The following CD70 variants were observed in gnomAD, a reference collection of about 807,000 sequenced individuals.
CD70 encodes CD70 antigen.
A neutral mutation model predicts 9.0 loss-of-function variants in CD70; 6 were observed. The ratio of observed to expected loss-of-function variants is 0.67; its 90% CI spans 0.37 to 1.32. The LOEUF is 1.32. Among genes scored for constraint, CD70 ranks in the 40% most tolerant of loss-of-function variants. CD70 has a pLI of 0.02. For synonymous variants in CD70, 108 were observed against 112.3 expected (o/e 0.96, Z 0.24); for missense variants, 235 against 258.7 (o/e 0.91, Z 0.63).
At chr19:6,589,706 TTC>T (rs1037668992) in intron 2 of CD70, among the ~76,000 whole-genome samples, 1 of 151,690 alleles carries the variant, frequency 6.6e-6, no homozygotes, top group Non-Finnish European at 1.5e-5. Context: ...CTCGTTTTTA[TTC>T]TCTCTTCCTC....
In CD70 at chr19:6,586,196, C is replaced by A; in HGVS notation, c.406G>T (p.Ala136Ser). Residue 136 changes from alanine (A) to serine (S), a missense_variant, in exon 3 of 3, where the codon GCC becomes TCC. By Grantham distance (99) the Ala-to-Ser change is moderately conservative. Transcript: ENST00000245903. The part of the protein sequence containing the change: ...TTLAVGICSP[A>S]SRSISLLRLS... ...CGCAGCAGGCTGATGCTACGGGAGG[C>A]GGGAGAGCAGATTCCCACGGCCAGG... The A allele has an allele frequency of 6.2e-7, 1 of 1,614,044 alleles. No homozygotes were observed. Among genetic ancestry groups the A allele is most frequent in the Non-Finnish European group, 8.5e-7 (1 of 1,179,996 alleles).
chr19:6,583,645 A>G (rs1599448844), downstream of CD70, among the ~76,000 whole-genome samples: 1 of 144,068 alleles, frequency 6.9e-6, no homozygotes, highest in South Asian at 2.2e-4. Flanking sequence ...TGCAATCTCC[A>G]CCTCCTGAGT....
At chr19:6,589,877 TG>T (rs1251152629) in intron 2 of CD70, among the ~76,000 whole-genome samples, 2 of 150,020 alleles carry the variant, frequency 1.3e-5, no homozygotes, top group East Asian at 3.9e-4. Context: ...TCCCTCTCTC[TG>T]TTCTTTTTTC....
downstream of CD70, among the ~76,000 whole-genome samples, chr19:6,583,837 G>A (rs1915966185): frequency 6.8e-6 from 1 of 147,166 alleles, no homozygotes; most frequent in Admixed American, 6.8e-5. Flanking sequence ...TTGTCACCCA[G>A]GCTGGAGTGC....
At chr19:6,588,144 G>A (rs1916069557) in intron 2 of CD70, among the ~76,000 whole-genome samples, 1 of 152,176 alleles carries the variant, frequency 6.6e-6, no homozygotes, top group African/African-American at 2.4e-5. Context: ...GAACTGAACG[G>A]GGTCAAACAG....
downstream of CD70, among the ~76,000 whole-genome samples, chr19:6,582,982 G>T (rs1231516484): frequency 6.6e-6 from 1 of 152,160 alleles, no homozygotes; most frequent in African/African-American, 2.4e-5. Flanking sequence ...TCGAGTGTCT[G>T]TGGCTTTTCC....
chr19:6,589,314 A>T (rs1447034923), intron 2 of CD70, among the ~76,000 whole-genome samples: 2,025 of 84,302 alleles, frequency 0.024, no homozygotes, highest in South Asian at 0.036. Context: ...TCTCTCTCTC[A>T]CCTCCCTCCC....
In CD70 at chr19:6,586,393, T is replaced by A; in HGVS notation, c.209A>T (p.Asp70Val). Residue 70 changes from aspartate (D) to valine (V), a missense_variant, in exon 3 of 3, where the codon GAC becomes GTC. Coordinates refer to ENST00000245903, the MANE Select transcript of CD70 (RefSeq NM_001252.5). ...LQLNHTGPQQ[D>V]PRLYWQGGPA... Reference sequence around the variant, plus strand: ...GCCCCCCTGCCAGTATAGCCTGGGGTCCTGCTGAGGTCCTGGGGGCACAGG... The same window carrying A: ...GCCCCCCTGCCAGTATAGCCTGGGGACCTGCTGAGGTCCTGGGGGCACAGG... 1 of 1,609,142 alleles carries A rather than the reference T, an allele frequency of 6.2e-7. No homozygotes were observed. The highest frequency in any genetic ancestry group is 8.5e-7 in the Non-Finnish European group (1 of 1,177,904).
At chr19:6,581,698 G>A (rs1200071984), downstream of CD70, among the ~76,000 whole-genome samples, 1 of 152,036 alleles carries the variant, frequency 6.6e-6, no homozygotes, top group East Asian at 1.9e-4. Flanking sequence ...AATCCTATGT[G>A]GTAGATTAAT....
intron 2 of CD70, among the ~76,000 whole-genome samples, chr19:6,588,866 G>T (rs1177567733): frequency 6.6e-6 from 1 of 152,206 alleles, no homozygotes; most frequent in Non-Finnish European, 1.5e-5. Flanking sequence ...ACCAGGCAGG[G>T]ATTTCTGTCT....
chr19:6,583,553 C>CTTT (rs72193958), downstream of CD70: 16 of 402,576 alleles, frequency 4.0e-5, no homozygotes, highest in Non-Finnish European at 5.7e-5. Flanking sequence ...TAATTGTAGT[C>CTTT]TTTTTTTTTT....
chr19:6,586,922 A>AAAC (rs1555765965), intron 2 of CD70, among the ~76,000 whole-genome samples: 29 of 140,352 alleles, frequency 2.1e-4, no homozygotes, highest in Non-Finnish European at 2.5e-4. Context: ...AAAAAAAAAA[A>AAAC]CAGAAACAGA....
chr19:6,589,964 C>T (rs1244602709), intron 2 of CD70, 139 bp downstream of exon 2: 4 of 661,054 alleles, frequency 6.1e-6, no homozygotes, highest in African/African-American at 1.8e-5. Context: ...CGTTTCCCTC[C>T]CTATCTCTCC....
Position 6,590,921 on chromosome 19 carries a change from C to A in CD70, c.82G>T (p.Ala28Ser), listed in dbSNP as rs750812571. The A allele has an allele frequency of 6.2e-7, 1 of 1,614,108 alleles. No homozygotes were observed. The highest frequency in any genetic ancestry group is 1.1e-5 in the South Asian group (1 of 91,078). Residue 28 changes from alanine to serine, a missense_variant, in exon 1 of 3, where the codon GCG becomes TCG. Physicochemically the swap from Ala to Ser is moderately conservative, Grantham distance 99 (BLOSUM62 1). Coordinates refer to ENST00000245903, the MANE Select transcript of CD70 (RefSeq NM_001252.5). This position sits in a 1 kb window ranked among gnomAD's most constrained non-coding sequence, Gnocchi z 5.3. ...ACCACGAGGCAGATCACCAAGCCCGCGACCAATGGGACCAAAGCAGCCCGC... is the reference window on the plus strand; with the variant it reads ...ACCACGAGGCAGATCACCAAGCCCGAGACCAATGGGACCAAAGCAGCCCGC... ...VLRAALVPLVAGLVICLVVCI... is the reference protein window; with the variant it reads ...VLRAALVPLVSGLVICLVVCI...
At position 6,590,710 on chromosome 19, in the gene CD70, G is replaced by A. The variant is rs934202637; in HGVS notation, c.162+131C>T. 5 of 810,514 alleles carry A rather than the reference G, an allele frequency of 6.2e-6. No individual in the cohort carries two copies. Among genetic ancestry groups the A allele is most frequent in the Non-Finnish European group, 9.7e-6 (5 of 515,156 alleles). 50.2% of individuals were successfully genotyped at this position (810,514 alleles called of 1,614,324 possible). On this transcript the variant is annotated intron_variant, in intron 1 of 2. Transcript: ENST00000245903. This position sits in a 1 kb window ranked among gnomAD's most constrained non-coding sequence, Gnocchi z 5.3. ...CACCGGGCAGCCTGGTCCCCGCCTCGCCTCCCTGTTCTGGTCTCTGTCTCT... is the reference window on the plus strand; with the variant it reads ...CACCGGGCAGCCTGGTCCCCGCCTCACCTCCCTGTTCTGGTCTCTGTCTCT...
downstream of CD70, among the ~76,000 whole-genome samples, chr19:6,582,159 G>A (rs970169569): frequency 1.3e-5 from 2 of 151,308 alleles, no homozygotes; most frequent in Non-Finnish European, 2.9e-5. Context: ...CCTCCAAGTC[G>A]CGGGGACTAC....
chr19:6,586,454 T>C (rs1401651087), intron 2 of CD70, 49 bp from the exon 3 acceptor site: 2 of 1,536,722 alleles, frequency 1.3e-6, no homozygotes. Flanking sequence ...TTAGGGAAAC[T>C]GAGGCACAGG....
At chr19:6,585,042 A>G (rs529803002), downstream of CD70, among the ~76,000 whole-genome samples, 8 of 152,232 alleles carry the variant, frequency 5.3e-5, no homozygotes, top group African/African-American at 1.9e-4. Flanking sequence ...GCTGCAGTGC[A>G]ATGACGCGAT....
intron 2 of CD70, among the ~76,000 whole-genome samples, chr19:6,589,853 G>GTCTGTCCCC (rs1916114917): frequency 1.6e-5 from 2 of 128,188 alleles, no homozygotes; most frequent in Non-Finnish European, 3.2e-5. Flanking sequence ...CTCCTGTCCC[G>GTCTGTCCCC]TCTGTCCCCT....
Sources: allele counts gnomAD v4.1 joint callset (sites outside exome capture counted in the v4.1 genomes callset), GRCh38; gene constraint gnomAD v4.1.1; non-coding constraint Gnocchi (gnomAD v3.1); transcripts MANE v1.5; gene names NCBI Gene and HGNC (gene_info 2026-07-23, HGNC 2026-07-21).